The following TRPC4 variants were observed in gnomAD, a reference collection of about 807,000 sequenced individuals.
The protein encoded by TRPC4 is transient receptor potential cation channel subfamily C member 4, also known as short transient receptor potential channel 4.
In TRPC4, 49 loss-of-function variants were observed where a neutral mutation model predicts 99.4. The observed-to-expected ratio is 0.49, with a 90% confidence interval of 0.39 to 0.63. The LOEUF (loss-of-function observed/expected upper bound fraction) is 0.63, where lower values mean the gene tolerates loss of function less well. Among genes scored for constraint, TRPC4 ranks in the 20% least tolerant of loss-of-function variants. The probability of loss-of-function intolerance (pLI) is 0.00; values close to 1 mark genes in which losing one functional copy is unlikely to be tolerated. For missense variants in TRPC4, 898 were observed against 1,152.9 expected (o/e 0.78, Z 3.20); for synonymous variants, 454 against 425.9 (o/e 1.07, Z -0.81).
chr13:37,721,730 A>G (rs975340960), intron 3 of TRPC4, among the ~76,000 whole-genome samples: 5 of 152,152 alleles, frequency 3.3e-5, no homozygotes, highest in Non-Finnish European at 7.4e-5. Flanking sequence ...TTATTTTCTC[A>G]TTTTATATTT....
intron 1 of TRPC4, among the ~76,000 whole-genome samples, chr13:37,802,996 T>C (rs1299540319): frequency 6.6e-6 from 1 of 152,054 alleles, no homozygotes. Flanking sequence ...ATATCATTTA[T>C]TTATGTCATT....
chr13:37,714,752 T>C (rs1566116189), intron 3 of TRPC4, among the ~76,000 whole-genome samples: 1 of 59,024 alleles, frequency 1.7e-5, no homozygotes, highest in African/African-American at 6.8e-5. Flanking sequence ...CCTTTACTTC[T>C]TTTTTCCTCC....
chr13:37,808,414 A>C (rs1957586405), intron 1 of TRPC4, among the ~76,000 whole-genome samples: 1 of 151,918 alleles, frequency 6.6e-6, no homozygotes, highest in African/African-American at 2.4e-5. Flanking sequence ...AATTCTGGAG[A>C]CCTCCTTAGA....
At chr13:37,701,524 A>G (rs186102618) in intron 3 of TRPC4, among the ~76,000 whole-genome samples, 20 of 151,774 alleles carry the variant, frequency 1.3e-4, no homozygotes, top group African/African-American at 4.6e-4. Flanking sequence ...CATTTCCAGC[A>G]TTTCCACTTG....
At chr13:37,838,080 C>T (rs1387771301) in intron 1 of TRPC4, among the ~76,000 whole-genome samples, 1 of 152,144 alleles carries the variant, frequency 6.6e-6, no homozygotes, top group Admixed American at 6.5e-5. Context: ...CTTCCCCAGC[C>T]ACATGGAACC....
intron 1 of TRPC4, among the ~76,000 whole-genome samples, chr13:37,792,825 G>T (rs1005074430): frequency 2.0e-5 from 3 of 151,150 alleles, no homozygotes; most frequent in African/African-American, 7.3e-5. Flanking sequence ...TAGAATTTTT[G>T]ATAAATATGT....
At chr13:37,667,301 A>T (rs1014677188) in intron 5 of TRPC4, among the ~76,000 whole-genome samples, 1 of 152,084 alleles carries the variant, frequency 6.6e-6, no homozygotes, top group Non-Finnish European at 1.5e-5. Flanking sequence ...TCATCTATGT[A>T]TCTCCTCAGG....
At chr13:37,692,801 AT>A (rs1399495804) in intron 3 of TRPC4, among the ~76,000 whole-genome samples, 1 of 152,178 alleles carries the variant, frequency 6.6e-6, no homozygotes, top group Admixed American at 6.5e-5. Context: ...TATAATAGAT[AT>A]TTATTACTTT....
At chr13:37,683,391 A>C (rs976497843) in intron 4 of TRPC4, among the ~76,000 whole-genome samples, 2 of 152,158 alleles carry the variant, frequency 1.3e-5, no homozygotes, top group African/African-American at 4.8e-5. Context: ...AGGTAAGTGC[A>C]TATTAGAAGA....
At chr13:37,736,891 G>A (rs1955413830) in intron 3 of TRPC4, among the ~76,000 whole-genome samples, 1 of 132,354 alleles carries the variant, frequency 7.6e-6, no homozygotes, top group Non-Finnish European at 1.6e-5. Flanking sequence ...ACTATGCCTG[G>A]CTAATTTTTT....
At chr13:37,868,918 GAAC>G (rs1318427223) in intron 1 of TRPC4, among the ~76,000 whole-genome samples, 2 of 151,982 alleles carry the variant, frequency 1.3e-5, no homozygotes, top group African/African-American at 4.8e-5. Context: ...TTCACAGCTG[GAAC>G]AACAAGTTGT....
intron 1 of TRPC4, among the ~76,000 whole-genome samples, chr13:37,862,846 ATG>A (rs1255591119): frequency 6.6e-6 from 1 of 151,378 alleles, no homozygotes; most frequent in African/African-American, 2.4e-5. Flanking sequence ...ATGTGTGCGT[ATG>A]TGTAGACAGA....
chr13:37,749,387 A>G (rs1169888653), intron 2 of TRPC4, among the ~76,000 whole-genome samples: 3 of 152,116 alleles, frequency 2.0e-5, no homozygotes, highest in Admixed American at 2.0e-4. Context: ...TTAACATTAT[A>G]TGTTGTCTTT....
At chr13:37,685,978 T>A (rs1322104765) in intron 4 of TRPC4, among the ~76,000 whole-genome samples, 7 of 152,154 alleles carry the variant, frequency 4.6e-5, no homozygotes, top group African/African-American at 1.4e-4. Flanking sequence ...CTATCTGATT[T>A]CCTCAAAAAT....
intron 1 of TRPC4, among the ~76,000 whole-genome samples, chr13:37,862,455 A>C (rs1419219823): frequency 6.6e-6 from 1 of 151,626 alleles, no homozygotes; most frequent in Non-Finnish European, 1.5e-5. Flanking sequence ...AAAAAACTTA[A>C]GTCCTACTCT....
intron 9 of TRPC4, 31 bp from the exon 10 acceptor site, chr13:37,639,160 C>G: frequency 3.7e-6 from 6 of 1,613,226 alleles, no homozygotes; most frequent in Non-Finnish European, 5.1e-6. Flanking sequence ...AGTATTGATA[C>G]TCAATGAGTA....
intron 1 of TRPC4, among the ~76,000 whole-genome samples, chr13:37,796,997 A>T: frequency 6.7e-6 from 1 of 148,232 alleles, no homozygotes; most frequent in Non-Finnish European, 1.5e-5. Context: ...AGTAAAGTAA[A>T]GTAAAGTAAA....
At chr13:37,828,227 C>T (rs1310985236) in intron 1 of TRPC4, among the ~76,000 whole-genome samples, 1 of 152,178 alleles carries the variant, frequency 6.6e-6, no homozygotes, top group African/African-American at 2.4e-5. Flanking sequence ...AGAAATCACC[C>T]GTCTTCTGCG....
chr13:37,816,398 A>G (rs1957855128), intron 1 of TRPC4, among the ~76,000 whole-genome samples: 1 of 151,934 alleles, frequency 6.6e-6, no homozygotes, highest in African/African-American at 2.4e-5. Flanking sequence ...CCTGATAGAT[A>G]TCTACAGAAC....
Sources: gnomAD v4.1 joint callset for allele counts (sites outside exome capture counted in the v4.1 genomes callset) on GRCh38, gnomAD v4.1.1 for gene constraint, MANE v1.5 for transcripts, NCBI Gene and HGNC (gene_info 2026-07-23, HGNC 2026-07-21) for gene names.